Variants in SMOC1 observed in about 807,000 individuals in gnomAD.
SMOC1 encodes SPARC-related modular calcium-binding protein 1.
A neutral mutation model predicts 56.3 loss-of-function variants in SMOC1; 22 were observed. That is an observed-to-expected ratio of 0.39 (90% CI 0.28 to 0.56). The LOEUF is 0.56. SMOC1 is among the 20% of genes least tolerant of loss of function. The pLI is 0.61. For synonymous variants in SMOC1, 193 were observed against 215.0 expected (o/e 0.90, Z 0.89); for missense variants, 509 against 565.4 (o/e 0.90, Z 1.01).
At chr14:70,003,480 T>C (rs1030467577) in intron 7 of SMOC1, among the ~76,000 whole-genome samples, 1 of 152,160 alleles carries the variant, frequency 6.6e-6, no homozygotes, top group African/African-American at 2.4e-5. Flanking sequence ...TATTCAACAG[T>C]GGGCAGCCCC....
chr14:69,958,575 C>T (rs551734956), intron 3 of SMOC1, among the ~76,000 whole-genome samples: 3 of 152,178 alleles, frequency 2.0e-5, no homozygotes, highest in African/African-American at 7.2e-5. Context: ...AAAAGGGTGC[C>T]CTTCTATTGC....
At chr14:69,967,165 T>C (rs928182981) in intron 3 of SMOC1, among the ~76,000 whole-genome samples, 2 of 152,150 alleles carry the variant, frequency 1.3e-5, no homozygotes, top group African/African-American at 2.4e-5. Flanking sequence ...TGACAAAGAC[T>C]CCCATATTTA....
At chr14:69,960,023 C>T (rs1410207930) in intron 3 of SMOC1, among the ~76,000 whole-genome samples, 1 of 152,120 alleles carries the variant, frequency 6.6e-6, no homozygotes, top group Non-Finnish European at 1.5e-5. Flanking sequence ...GACTAGCTTG[C>T]CCTGGGAACA....
At chr14:69,882,272 T>C (rs554912678) in intron 1 of SMOC1, among the ~76,000 whole-genome samples, 3 of 152,202 alleles carry the variant, frequency 2.0e-5, no homozygotes, top group Non-Finnish European at 4.4e-5. Context: ...CTAAGTCTCT[T>C]CTGTTAATCT....
intron 1 of SMOC1, among the ~76,000 whole-genome samples, chr14:69,907,827 A>G (rs1884450626): frequency 6.6e-6 from 1 of 152,200 alleles, no homozygotes; most frequent in Non-Finnish European, 1.5e-5. Flanking sequence ...AAGGTTCCTT[A>G]TAGAGAGCTT....
chr14:70,023,570 T>C, intron 11 of SMOC1, 123 bp downstream of exon 11: 1 of 1,375,330 alleles, frequency 7.3e-7, no homozygotes, highest in Non-Finnish European at 1.0e-6. Flanking sequence ...TTGCTGGAAG[T>C]GTGCTATGCT....
Position 69,881,454 on chromosome 14 carries a change from T to G in SMOC1, c.99+1677T>G, listed in dbSNP as rs142049033. On this transcript the variant is annotated intron_variant, in intron 1 of 11. Coordinates refer to ENST00000361956, the MANE Select transcript of SMOC1 (RefSeq NM_001034852.3). ...GGCTCTCCTTCCTGGCCTCCTGGAATCAGAGGAAGCAACCTTTAGGGGAAA... is the reference window on the plus strand; with the variant it reads ...GGCTCTCCTTCCTGGCCTCCTGGAAGCAGAGGAAGCAACCTTTAGGGGAAA... Among the ~76,000 whole-genome samples the G allele has an allele frequency of 2.2e-3, 338 of 152,132 alleles. 3 individuals are homozygous for G. Among genetic ancestry groups the G allele is most frequent in the Admixed American group, 5.4e-3 (83 of 15,284 alleles).
At chr14:69,897,959 C>T (rs1427909160) in intron 1 of SMOC1, among the ~76,000 whole-genome samples, 1 of 152,012 alleles carries the variant, frequency 6.6e-6, no homozygotes, top group East Asian at 1.9e-4. Context: ...ACATTTCTTA[C>T]AAGGCAGGTC....
Position 69,952,258 on chromosome 14 carries a change from T to C in SMOC1, c.220T>C (p.Cys74Arg). The C allele has an allele frequency of 6.2e-7, 1 of 1,614,178 alleles. No individual in the cohort carries two copies. ...CATGTGTGAGTACCAGCGAGCCAAG[T>C]GCCGAGACCCGACCCTGGGCGTGGT... Reference protein sequence around the residue: ...ESMCEYQRAKCRDPTLGVVHR... With the variant: ...ESMCEYQRAKRRDPTLGVVHR... Residue 74 changes from cysteine to arginine, a missense_variant, in exon 2 of 12, where the codon TGC becomes CGC. By Grantham distance (180) the Cys-to-Arg change is radical. Around this residue, in one of 3 missense-constraint regions of SMOC1, gnomAD observed 315 missense variants for 333.1 expected, o/e 0.95. Transcript: ENST00000361956.
chr14:70,026,961 G>C (rs972096443), intron 11 of SMOC1, among the ~76,000 whole-genome samples: 1 of 152,218 alleles, frequency 6.6e-6, no homozygotes, highest in Non-Finnish European at 1.5e-5. Context: ...GAGTGAGGGA[G>C]AGTAGAACAT....
At chr14:70,025,501 A>G (rs376952861) in intron 11 of SMOC1, among the ~76,000 whole-genome samples, 1 of 152,136 alleles carries the variant, frequency 6.6e-6, no homozygotes, top group African/African-American at 2.4e-5. Context: ...CTGTTCCCAT[A>G]GTACTCTGAG....
intron 1 of SMOC1, among the ~76,000 whole-genome samples, chr14:69,917,872 A>G (rs1004473375): frequency 6.6e-6 from 1 of 152,162 alleles, no homozygotes; most frequent in Non-Finnish European, 1.5e-5. Flanking sequence ...TGAATGTTGG[A>G]TGCTGAGTGA....
At chr14:69,982,523 T>C (rs1884215843) in intron 5 of SMOC1, among the ~76,000 whole-genome samples, 1 of 152,168 alleles carries the variant, frequency 6.6e-6, no homozygotes, top group African/African-American at 2.4e-5. Flanking sequence ...CTGGCAAACA[T>C]CCCAGACGAA....
At position 69,879,783 on chromosome 14, in the gene SMOC1, T is replaced by A; in HGVS notation, c.99+6T>A. On this transcript the variant is annotated splice_donor_region_variant and intron_variant, in intron 1 of 11. Transcript: ENST00000361956. ...ACCGCACCACAGGCCCCAGGGTAAG[T>A]GCGCCCCCAGCTTTGCGCCCACCTG... 6.3e-7 allele frequency: 1 copy of A among 1,583,108 alleles called. No homozygotes were observed. The highest frequency in any genetic ancestry group is 8.5e-7 in the Non-Finnish European group (1 of 1,171,824).
chr14:69,922,387 C>A (rs1037857213), intron 1 of SMOC1, among the ~76,000 whole-genome samples: 1 of 152,182 alleles, frequency 6.6e-6, no homozygotes, highest in South Asian at 2.1e-4. Flanking sequence ...GGGCACAGTA[C>A]GTGCTGCTGC....
chr14:69,898,939 T>C (rs1430419428), intron 1 of SMOC1, among the ~76,000 whole-genome samples: 1 of 152,056 alleles, frequency 6.6e-6, no homozygotes, highest in Non-Finnish European at 1.5e-5. Context: ...TGGTAAGATG[T>C]GGGGGGAGGA....
At position 69,987,516 on chromosome 14, in the gene SMOC1, A is replaced by G. The variant is rs530027887; in HGVS notation, c.527-4901A>G. Among the ~76,000 whole-genome samples the G allele has an allele frequency of 5.2e-3, 799 of 152,252 alleles. 4 individuals are homozygous for G. Among genetic ancestry groups the G allele is most frequent in the South Asian group, 0.023 (111 of 4,820 alleles). On this transcript the variant is annotated intron_variant, in intron 5 of 11. Coordinates refer to ENST00000361956, the MANE Select transcript of SMOC1 (RefSeq NM_001034852.3). Reference sequence around the variant, plus strand: ...CCAGAATAAACTCATTGTACACCCAAACAATTAACTCCTCAATGGACTTGC... The same window carrying G: ...CCAGAATAAACTCATTGTACACCCAGACAATTAACTCCTCAATGGACTTGC...
intron 3 of SMOC1, among the ~76,000 whole-genome samples, chr14:69,956,911 T>A (rs1883207598): frequency 6.6e-6 from 1 of 152,162 alleles, no homozygotes; most frequent in African/African-American, 2.4e-5. Context: ...AGACATTGTG[T>A]TTTTTCGAGC....
intron 5 of SMOC1, among the ~76,000 whole-genome samples, chr14:69,982,706 C>T (rs1884223829): frequency 1.3e-5 from 2 of 152,230 alleles, no homozygotes; most frequent in Admixed American, 6.5e-5. Context: ...CCGACTACCT[C>T]TTTTTTCTCT....
Sources: allele counts gnomAD v4.1 joint callset (sites outside exome capture counted in the v4.1 genomes callset), GRCh38; gene constraint gnomAD v4.1.1; regional missense constraint gnomAD v4.1.1; transcripts MANE v1.5; gene names NCBI Gene and HGNC (gene_info 2026-07-23, HGNC 2026-07-21).